Variants in ACTN4 observed in about 807,000 individuals in gnomAD.
ACTN4 encodes alpha-actinin-4.
Under a neutral mutation model 114.2 loss-of-function variants are expected in ACTN4, and 18 were observed. That is an observed-to-expected ratio of 0.16 (90% CI 0.11 to 0.23). The LOEUF is 0.23. Among genes scored for constraint, ACTN4 ranks in the 10% least tolerant of loss-of-function variants. The pLI, the probability that ACTN4 is intolerant of heterozygous loss-of-function variation, is 1.00. For missense variants in ACTN4, 722 were observed against 1,262.9 expected, an observed-to-expected ratio of 0.57 and a Z score of 6.49; for synonymous variants, 515 against 506.3, an observed-to-expected ratio of 1.02 and a Z score of -0.23.
chr19:38,667,130 T>A (rs369248959), intron 1 of ACTN4, among the ~76,000 whole-genome samples: 35 of 152,354 alleles, frequency 2.3e-4, no homozygotes, highest in East Asian at 2.1e-3. Flanking sequence ...GTCTTTGTTT[T>A]GACCTGACAC....
intron 12 of ACTN4, among the ~76,000 whole-genome samples, chr19:38,722,903 G>T (rs1238090806): frequency 6.6e-6 from 1 of 152,180 alleles, no homozygotes; most frequent in African/African-American, 2.4e-5. Flanking sequence ...AGGAACGGAA[G>T]GGAGGGCTGT....
chr19:38,730,480 A>T lies in ACTN4; in HGVS notation c.*1048A>T, dbSNP rs1969496641. The T allele has an allele frequency of 4.1e-6, 1 of 244,420 alleles. No homozygotes were observed. The highest frequency in any genetic ancestry group is 8.0e-6 in the Non-Finnish European group (1 of 124,542). 15.1% of individuals were successfully genotyped at this position (244,420 alleles called of 1,614,324 possible). A position where few individuals can be genotyped will look rare whatever the true frequency, so the allele number is the denominator to read the frequency against. ...TGATTTTTTTTCTTGGTTTCTGGAT[A>T]AACCACCCTCTGGGGACAGGATAAT... is the stretch of plus-strand genomic sequence containing the variant. On this transcript the variant is annotated 3_prime_UTR_variant, in exon 21 of 21. Coordinates refer to ENST00000252699, the MANE Select transcript of ACTN4 (RefSeq NM_004924.6).
rs746799594 is a variant in ACTN4, at chr19:38,729,372, G to A, written c.2676G>A (p.Val892=). The A allele has an allele frequency of 1.9e-6, 3 of 1,612,744 alleles. No homozygotes were observed. In the South Asian group the frequency reaches 3.3e-5, roughly 18 times the overall value. Reference sequence around the variant, plus strand: ...CGCCATACCAGGGCCCTGACGCCGTGCCCGGTGCCCTCGACTACAAGTCCT... The same window carrying A: ...CGCCATACCAGGGCCCTGACGCCGTACCCGGTGCCCTCGACTACAAGTCCT... ...RMAPYQGPDA[V]PGALDYKSFS... Residue 892 remains valine, a synonymous_variant, in exon 21 of 21, where the codon GTG becomes GTA. Transcript: ENST00000252699.
Position 38,701,212 on chromosome 19 carries a change from T to C in ACTN4, c.397+91T>C, listed in dbSNP as rs1320356509. The C allele has an allele frequency of 5.0e-6, 8 of 1,594,112 alleles. No individual in the cohort carries two copies. In the East Asian group the frequency reaches 1.4e-4, roughly 27 times the overall value. ...ATCTGCATCCTGAAGAGAAGTTTTG[T>C]TGGTGGCAGGGCGCTTGGGGCACTC... On this transcript the variant is annotated intron_variant, in intron 3 of 20. Coordinates refer to ENST00000252699, the MANE Select transcript of ACTN4 (RefSeq NM_004924.6).
In ACTN4 at chr19:38,692,571, T is replaced by TAAGCC. The variant is rs1275038352; in HGVS notation, c.163-8029_163-8028insAAGCC. On this transcript the variant is annotated intron_variant, in intron 1 of 20. Transcript: ENST00000252699. ...GCTGGTAACCCAGATTCCAGAAGGC[T>TAAGCC]TAGCCGTCTGGCCCTGAAAGCGCCT... 2.2e-3 allele frequency among the ~76,000 whole-genome samples: 332 copies of TAAGCC among 152,364 alleles called. 1 individual carries two copies. The highest frequency in any genetic ancestry group is 7.8e-3 in the African/African-American group (323 of 41,584).
rs193150937 is a variant in ACTN4, at chr19:38,651,006, T to C, written c.162+3099T>C. On this transcript the variant is annotated intron_variant, in intron 1 of 20. Coordinates refer to ENST00000252699, the MANE Select transcript of ACTN4 (RefSeq NM_004924.6). ...CCTCGGTCTCCCAAAGTGCTGGGAT[T>C]ACAGGAGTGAGCCACTGCACCCAGA... is the stretch of plus-strand genomic sequence containing the variant. Among the ~76,000 whole-genome samples the C allele has an allele frequency of 3.9e-5, 6 of 152,274 alleles. No individual in the cohort carries two copies. In the East Asian group the frequency reaches 1.2e-3, roughly 29 times the overall value.
At chr19:38,675,409 T>A (rs1192283884) in intron 1 of ACTN4, among the ~76,000 whole-genome samples, 3 of 151,950 alleles carry the variant, frequency 2.0e-5, no homozygotes, top group Non-Finnish European at 2.9e-5. Context: ...ATTTTTTGAT[T>A]TTTTTTGTAG....
At chr19:38,700,460 G>A in intron 1 of ACTN4, 140 bp from the exon 2 acceptor site, 1 of 735,092 alleles carries the variant, frequency 1.4e-6, no homozygotes, top group Non-Finnish European at 2.4e-6. Flanking sequence ...GTGTGTATCG[G>A]CCATGTACGG....
At chr19:38,653,836 T>C (rs1430804903) in intron 1 of ACTN4, among the ~76,000 whole-genome samples, 1 of 152,244 alleles carries the variant, frequency 6.6e-6, no homozygotes, top group Non-Finnish European at 1.5e-5. Context: ...ATGGCAGTGG[T>C]AACTGAAGCA....
chr19:38,688,296 C>A (rs1253904364), intron 1 of ACTN4, among the ~76,000 whole-genome samples: 2 of 148,230 alleles, frequency 1.3e-5, no homozygotes, highest in Non-Finnish European at 3.0e-5. Context: ...TGCCTGTAAT[C>A]CTAGCACTTT....
At chr19:38,699,969 G>A (rs1968215478) in intron 1 of ACTN4, among the ~76,000 whole-genome samples, 2 of 152,062 alleles carry the variant, frequency 1.3e-5, no homozygotes, top group African/African-American at 4.8e-5. Context: ...TGCATTTATG[G>A]GAGCTTTTCT....
chr19:38,696,551 A>G (rs1019939684), intron 1 of ACTN4, among the ~76,000 whole-genome samples: 1 of 152,214 alleles, frequency 6.6e-6, no homozygotes, highest in African/African-American at 2.4e-5. Context: ...TTAATGTCCC[A>G]TTCGAACTCC....
At chr19:38,651,193 C>T (rs935741107) in intron 1 of ACTN4, among the ~76,000 whole-genome samples, 1 of 152,210 alleles carries the variant, frequency 6.6e-6, no homozygotes. Flanking sequence ...GCTGTAGGCC[C>T]TCAAAGTGGG....
chr19:38,695,591 C>T (rs915366811), intron 1 of ACTN4, among the ~76,000 whole-genome samples: 1 of 152,144 alleles, frequency 6.6e-6, no homozygotes, highest in African/African-American at 2.4e-5. Context: ...TCTTTCCCTG[C>T]ATGGCAGGGA....
chr19:38,697,722 G>C (rs564599269), intron 1 of ACTN4, among the ~76,000 whole-genome samples: 1 of 152,250 alleles, frequency 6.6e-6, no homozygotes, highest in Non-Finnish European at 1.5e-5. Context: ...ACCAGAGCAC[G>C]GGGCCTTGCC....
chr19:38,703,395 C>T (rs1224264125), intron 3 of ACTN4, among the ~76,000 whole-genome samples: 3 of 151,378 alleles, frequency 2.0e-5, no homozygotes, highest in East Asian at 1.9e-4. Context: ...CCCGCCACCA[C>T]GCCAGGCTAA....
At chr19:38,700,944 C>T in intron 2 of ACTN4, 58 bp from the exon 3 acceptor site, 1 of 1,603,858 alleles carries the variant, frequency 6.2e-7, no homozygotes, top group Non-Finnish European at 8.5e-7. Flanking sequence ...CCCTCTCGCC[C>T]TCTCTCCCTT....
intron 1 of ACTN4, among the ~76,000 whole-genome samples, chr19:38,687,972 G>A (rs1244715391): frequency 6.6e-6 from 1 of 152,090 alleles, no homozygotes; most frequent in Non-Finnish European, 1.5e-5. Context: ...CTTCTCCAAA[G>A]AAGATCTACA....
At chr19:38,648,777 G>A (rs62121765) in intron 1 of ACTN4, among the ~76,000 whole-genome samples, 1,579 of 152,094 alleles carry the variant, frequency 0.01, 12 homozygotes, top group Non-Finnish European at 0.018. Flanking sequence ...GGGATACGGA[G>A]AGTGGGGATA....
Sources: allele counts gnomAD v4.1 joint callset (sites outside exome capture counted in the v4.1 genomes callset), GRCh38; gene constraint gnomAD v4.1.1; transcripts MANE v1.5; gene names NCBI Gene and HGNC (gene_info 2026-07-23, HGNC 2026-07-21).